The following PRKD1 variants were observed in gnomAD, a reference collection of about 807,000 sequenced individuals.
PRKD1 encodes the protein serine/threonine-protein kinase D1.
A neutral mutation model predicts 95.9 loss-of-function variants in PRKD1; 63 were observed. That is an observed-to-expected ratio of 0.66 (90% CI 0.54 to 0.81). The LOEUF is 0.81. PRKD1 is among the 30% of genes least tolerant of loss of function. PRKD1 has a pLI of 0.00. For missense variants in PRKD1, 1,048 were observed against 1,165.3 expected (o/e 0.90, Z 1.47); for synonymous variants, 425 against 423.1 (o/e 1.00, Z -0.05).
chr14:29,780,670 A>G (rs1422942167), intron 1 of PRKD1, among the ~76,000 whole-genome samples: 1 of 152,166 alleles, frequency 6.6e-6, no homozygotes, highest in Non-Finnish European at 1.5e-5. Flanking sequence ...GAGAAATAAG[A>G]ACACTTTTAC....
intron 3 of PRKD1, among the ~76,000 whole-genome samples, chr14:29,664,102 G>A (rs1162329359): frequency 1.3e-5 from 2 of 152,046 alleles, no homozygotes; most frequent in Non-Finnish European, 2.9e-5. Context: ...AAAATGTTCT[G>A]TGATATAACA....
intron 1 of PRKD1, among the ~76,000 whole-genome samples, chr14:29,757,888 AATGT>A (rs1272985772): frequency 6.6e-6 from 1 of 151,914 alleles, no homozygotes; most frequent in Admixed American, 6.6e-5. Context: ...TGGAGGGTGT[AATGT>A]GTACCAGGAA....
intron 1 of PRKD1, among the ~76,000 whole-genome samples, chr14:29,750,805 T>C (rs767942484): frequency 8.5e-5 from 13 of 152,196 alleles, no homozygotes; most frequent in Non-Finnish European, 1.6e-4. Context: ...TAATGTTGAA[T>C]GAAATTATGT....
chr14:29,649,315 T>A (rs531349791), intron 4 of PRKD1, among the ~76,000 whole-genome samples: 1 of 151,984 alleles, frequency 6.6e-6, no homozygotes, highest in African/African-American at 2.4e-5. Context: ...GGAGGAGGGG[T>A]CTTTATTCCC....
intron 13 of PRKD1, among the ~76,000 whole-genome samples, chr14:29,618,843 T>G (rs1452013865): frequency 1.3e-5 from 2 of 151,680 alleles, no homozygotes; most frequent in Non-Finnish European, 2.9e-5. Context: ...CTTTGAAGTC[T>G]TCTATCAGCT....
intron 16 of PRKD1, among the ~76,000 whole-genome samples, chr14:29,583,284 C>G (rs980076865): frequency 6.6e-6 from 1 of 152,048 alleles, no homozygotes; most frequent in Non-Finnish European, 1.5e-5. Flanking sequence ...AAACAGATGC[C>G]GTTTAAATAG....
chr14:29,723,901 T>C lies in PRKD1; in HGVS notation c.403+1635A>G, dbSNP rs913072807. 3.8e-4 allele frequency among the ~76,000 whole-genome samples: 58 copies of C among 151,962 alleles called. 1 individual carries two copies. The highest frequency in any genetic ancestry group is 1.3e-3 in the African/African-American group (55 of 41,370). On this transcript the variant is annotated intron_variant, in intron 2 of 17. Coordinates refer to ENST00000331968, the MANE Select transcript of PRKD1 (RefSeq NM_002742.3). ...TGCTCTTAAATGCCCTCTCAACAAC[T>C]GTGGCCAGGAAAACAGGAGACATGG...
At chr14:29,883,737 T>A (rs1333197160) in intron 1 of PRKD1, among the ~76,000 whole-genome samples, 1 of 152,128 alleles carries the variant, frequency 6.6e-6, no homozygotes, top group African/African-American at 2.4e-5. Flanking sequence ...GTACCTGAGA[T>A]TTGCCACCTA....
intron 1 of PRKD1, among the ~76,000 whole-genome samples, chr14:29,891,308 T>C (rs1324889095): frequency 6.6e-6 from 1 of 152,198 alleles, no homozygotes; most frequent in Admixed American, 6.5e-5. Flanking sequence ...CTTTTTTGTT[T>C]GTTTTTTCAG....
At chr14:29,708,645 G>A (rs549743922) in intron 2 of PRKD1, among the ~76,000 whole-genome samples, 1 of 152,220 alleles carries the variant, frequency 6.6e-6, no homozygotes, top group East Asian at 1.9e-4. Flanking sequence ...TTCAGCTCAG[G>A]AGTTCGAGAC....
chr14:29,635,333 C>T (rs1880295742), intron 7 of PRKD1, among the ~76,000 whole-genome samples: 1 of 152,050 alleles, frequency 6.6e-6, no homozygotes, highest in South Asian at 2.1e-4. Context: ...CCTTGTCCCC[C>T]TTCCCACAAC....
At chr14:29,673,239 C>T (rs1001417344) in intron 2 of PRKD1, among the ~76,000 whole-genome samples, 1 of 152,038 alleles carries the variant, frequency 6.6e-6, no homozygotes, top group Non-Finnish European at 1.5e-5. Context: ...CAAAATGGAG[C>T]CTTTATGTAG....
At chr14:29,635,314 T>C (rs543956018) in intron 7 of PRKD1, among the ~76,000 whole-genome samples, 1 of 152,234 alleles carries the variant, frequency 6.6e-6, no homozygotes, top group South Asian at 2.1e-4. Flanking sequence ...CCTCTCTTCA[T>C]CCCTCCCTCC....
At chr14:29,919,118 C>T (rs1232318230) in intron 1 of PRKD1, among the ~76,000 whole-genome samples, 8 of 152,200 alleles carry the variant, frequency 5.3e-5, no homozygotes, top group Admixed American at 3.9e-4. Flanking sequence ...TGCCAATGAA[C>T]TAGTGAAGGG....
At chr14:29,920,854 C>T (rs947628757) in intron 1 of PRKD1, among the ~76,000 whole-genome samples, 7 of 152,190 alleles carry the variant, frequency 4.6e-5, no homozygotes, top group Non-Finnish European at 1.0e-4. Flanking sequence ...TGCATATGCA[C>T]AACCAATTAT....
chr14:29,865,944 G>GT (rs1892884857), intron 1 of PRKD1, among the ~76,000 whole-genome samples: 1 of 151,992 alleles, frequency 6.6e-6, no homozygotes, highest in Non-Finnish European at 1.5e-5. Flanking sequence ...GACAATTCAG[G>GT]TTTATAAGAT....
At chr14:29,816,850 A>T (rs1890712999) in intron 1 of PRKD1, among the ~76,000 whole-genome samples, 1 of 152,160 alleles carries the variant, frequency 6.6e-6, no homozygotes, top group Non-Finnish European at 1.5e-5. Flanking sequence ...AATGTCCTCA[A>T]ATTCCTGGAA....
At chr14:29,885,090 T>TC (rs906554573) in intron 1 of PRKD1, among the ~76,000 whole-genome samples, 1 of 129,116 alleles carries the variant, frequency 7.7e-6, no homozygotes, top group Admixed American at 9.0e-5. Flanking sequence ...ACCACTGCAC[T>TC]CCCCCCTGGG....
At chr14:29,853,068 A>T (rs1195827923) in intron 1 of PRKD1, among the ~76,000 whole-genome samples, 3 of 152,222 alleles carry the variant, frequency 2.0e-5, no homozygotes, top group African/African-American at 7.2e-5. Context: ...ATCATAACCA[A>T]AAAAGAGCAG....
Sources: allele counts gnomAD v4.1 joint callset (sites outside exome capture counted in the v4.1 genomes callset), GRCh38; gene constraint gnomAD v4.1.1; transcripts MANE v1.5; gene names NCBI Gene and HGNC (gene_info 2026-07-23, HGNC 2026-07-21).